Variants in BANK1 observed in about 807,000 individuals in gnomAD.
BANK1 encodes the protein B cell scaffold protein with ankyrin repeats 1, also known as B-cell scaffold protein with ankyrin repeats.
BANK1 carries 95 observed loss-of-function variants against 94.5 expected under a neutral mutation model. That is an observed-to-expected ratio of 1.00 (90% CI 0.85 to 1.19). The LOEUF (loss-of-function observed/expected upper bound fraction) is 1.19. BANK1 is among the 50% of genes most tolerant of loss of function. The pLI, the probability that BANK1 is intolerant of heterozygous loss-of-function variation, is 0.00. For synonymous variants in BANK1, 334 were observed against 308.4 expected (o/e 1.08, Z -0.87); for missense variants, 987 against 932.2 (o/e 1.06, Z -0.77).
At chr4:101,878,177 C>G (rs1354124638) in intron 5 of BANK1, among the ~76,000 whole-genome samples, 1 of 148,858 alleles carries the variant, frequency 6.7e-6, no homozygotes, top group Non-Finnish European at 1.5e-5. Context: ...GGATTAAAAA[C>G]AAAAAAAAAG....
chr4:101,999,543 C>T (rs560200028), intron 7 of BANK1, among the ~76,000 whole-genome samples: 5 of 152,340 alleles, frequency 3.3e-5, no homozygotes, highest in African/African-American at 1.2e-4. Context: ...ATTTACTCAT[C>T]ACTCAATCAT....
chr4:102,030,563 C>T (rs566641770), intron 10 of BANK1, among the ~76,000 whole-genome samples: 5 of 151,718 alleles, frequency 3.3e-5, no homozygotes, highest in Non-Finnish European at 7.4e-5. Flanking sequence ...GGGTATTTCT[C>T]CTAATGTTAT....
At chr4:101,969,299 A>C (rs189060009) in intron 7 of BANK1, among the ~76,000 whole-genome samples, 2 of 152,134 alleles carry the variant, frequency 1.3e-5, no homozygotes, top group African/African-American at 4.8e-5. Context: ...AGTTCATACT[A>C]TACCATTAGC....
chr4:101,899,113 C>G (rs1414459074), intron 6 of BANK1, among the ~76,000 whole-genome samples: 2 of 151,256 alleles, frequency 1.3e-5, no homozygotes, highest in Admixed American at 1.3e-4. Context: ...CATTTTAAAC[C>G]CCCTGAGAAG....
At chr4:101,950,212 CTAT>C (rs746959299) in intron 7 of BANK1, among the ~76,000 whole-genome samples, 7 of 152,064 alleles carry the variant, frequency 4.6e-5, no homozygotes, top group Non-Finnish European at 1.0e-4. Context: ...TAGAGGTTTT[CTAT>C]TATTATTCTG....
chr4:101,869,654 TA>T (rs779110893), intron 4 of BANK1, among the ~76,000 whole-genome samples: 20 of 151,914 alleles, frequency 1.3e-4, no homozygotes, highest in Admixed American at 1.2e-3. Context: ...CTCTTATATT[TA>T]ATGACCTATT....
At chr4:101,869,908 A>G (rs1728220540) in intron 4 of BANK1, among the ~76,000 whole-genome samples, 1 of 151,954 alleles carries the variant, frequency 6.6e-6, no homozygotes, top group Non-Finnish European at 1.5e-5. Context: ...CACAATTCAC[A>G]ATGTAGTGTA....
In BANK1 at chr4:102,073,735, G is replaced by T. The variant is rs1340408113; in HGVS notation, c.2350G>T (p.Asp784Tyr). Residue 784 changes from aspartate (D) to tyrosine (Y), a missense_variant, in exon 16 of 17, where the codon GAT becomes TAT. By Grantham distance (160) the Asp-to-Tyr change is radical. Coordinates refer to ENST00000322953, the MANE Select transcript of BANK1 (RefSeq NM_017935.5). ...GGAATTTGGTTTCTGTTGCAAGAAA[G>T]ATCATTAAAGAAGGTAAAATATTAG... Reference protein sequence around the residue: ...EKEFGFCCKKDH With the variant: ...EKEFGFCCKKYH 6.2e-7 allele frequency: 1 copy of T among 1,609,986 alleles called. No individual in the cohort carries two copies. Among genetic ancestry groups the T allele is most frequent in the South Asian group, 1.1e-5 (1 of 90,500 alleles).
chr4:101,885,780 T>C (rs528938748), intron 5 of BANK1, among the ~76,000 whole-genome samples: 2 of 152,348 alleles, frequency 1.3e-5, no homozygotes, highest in African/African-American at 2.4e-5. Context: ...AATTTCATCA[T>C]TGTGCAAACA....
At chr4:102,026,367 T>TAA (rs112296070) in intron 9 of BANK1, among the ~76,000 whole-genome samples, 86 of 144,078 alleles carry the variant, frequency 6.0e-4, no homozygotes, top group African/African-American at 2.0e-3. Flanking sequence ...ACAATTTAGT[T>TAA]AAAAAAAAAA....
intron 1 of BANK1, among the ~76,000 whole-genome samples, chr4:101,820,480 CTTTTA>C (rs1726100809): frequency 6.6e-6 from 1 of 152,062 alleles, no homozygotes; most frequent in South Asian, 2.1e-4. Flanking sequence ...TTTTTAAAAA[CTTTTA>C]TTTTAGTTTA....
chr4:101,824,176 C>T (rs1196558330), intron 1 of BANK1, among the ~76,000 whole-genome samples: 1 of 152,122 alleles, frequency 6.6e-6, no homozygotes, highest in African/African-American at 2.4e-5. Context: ...AGGTTGTCTC[C>T]CTATTCTTGG....
chr4:102,001,416 G>A (rs536632579), intron 7 of BANK1, among the ~76,000 whole-genome samples: 138 of 152,228 alleles, frequency 9.1e-4, no homozygotes, highest in African/African-American at 3.1e-3. Context: ...CTTGGCCAAC[G>A]TGGTGAAACC....
chr4:101,845,639 G>T (rs1727215772), intron 2 of BANK1, among the ~76,000 whole-genome samples: 2 of 152,196 alleles, frequency 1.3e-5, no homozygotes, highest in Admixed American at 1.3e-4. Context: ...ACATATAGCT[G>T]CCTCTGGGAA....
chr4:101,889,868 T>C (rs1275201078), intron 5 of BANK1, among the ~76,000 whole-genome samples: 1 of 152,122 alleles, frequency 6.6e-6, no homozygotes, highest in Non-Finnish European at 1.5e-5. Flanking sequence ...TGTATTTCAC[T>C]TTCATTCAGT....
At chr4:101,862,477 A>T in intron 3 of BANK1, 49 bp from the exon 4 acceptor site, 2 of 1,492,302 alleles carry the variant, frequency 1.3e-6, no homozygotes, top group Non-Finnish European at 9.1e-7. Context: ...TTCTTTGGTT[A>T]ATGTAAACTT....
chr4:101,923,282 T>C (rs1457334112), intron 7 of BANK1, among the ~76,000 whole-genome samples: 1 of 151,804 alleles, frequency 6.6e-6, no homozygotes, highest in Non-Finnish European at 1.5e-5. Flanking sequence ...GACTCTTCCC[T>C]GAAAAAGTGT....
intron 5 of BANK1, among the ~76,000 whole-genome samples, chr4:101,882,542 A>G (rs1728716656): frequency 1.3e-5 from 2 of 152,188 alleles, no homozygotes; most frequent in African/African-American, 2.4e-5. Context: ...AAAAGACTGC[A>G]TATTGTTTTT....
chr4:101,979,286 A>G (rs544689206), intron 7 of BANK1, among the ~76,000 whole-genome samples: 15 of 151,962 alleles, frequency 9.9e-5, no homozygotes, highest in Non-Finnish European at 2.2e-4. Context: ...TTAAAATTGT[A>G]TAACATTAGT....
Sources: gnomAD v4.1 joint callset for allele counts (sites outside exome capture counted in the v4.1 genomes callset) on GRCh38, gnomAD v4.1.1 for gene constraint, MANE v1.5 for transcripts, NCBI Gene and HGNC (gene_info 2026-07-23, HGNC 2026-07-21) for gene names.